Variants in KLHL33 observed in about 807,000 individuals in gnomAD.
KLHL33 encodes the protein kelch like family member 33.
In KLHL33, 46 loss-of-function variants were observed where a neutral mutation model predicts 60.8. That is an observed-to-expected ratio of 0.76 (90% CI 0.60 to 0.97). KLHL33 has a LOEUF of 0.97. KLHL33 is among the 50% of genes least tolerant of loss of function. KLHL33 has a pLI of 0.00. For missense variants in KLHL33, 1,055 were observed against 1,000.0 expected, an observed-to-expected ratio of 1.05 and a Z score of -0.74; for synonymous variants, 434 against 432.2, an observed-to-expected ratio of 1.00 and a Z score of -0.05.
chr14:20,434,950 T>C (rs1880637369), intron 2 of KLHL33, 114 bp downstream of exon 2: 1 of 972,110 alleles, frequency 1.0e-6, no homozygotes, highest in South Asian at 5.4e-5. Flanking sequence ...AGGGAAATTC[T>C]GACAGCAGCA....
intron 2 of KLHL33, among the ~76,000 whole-genome samples, chr14:20,434,022 G>A (rs905015351): frequency 2.0e-5 from 3 of 152,138 alleles, no homozygotes; most frequent in Non-Finnish European, 4.4e-5. Context: ...AGTGATGTAG[G>A]CTTGTATCCT....
rs1176896736 is a variant in KLHL33, at chr14:20,430,605, A to G, written c.863T>C (p.Leu288Pro). 6.5e-7 allele frequency: 1 copy of G among 1,536,928 alleles called. No individual in the cohort carries two copies. Among genetic ancestry groups the G allele is most frequent in the East Asian group, 2.4e-5 (1 of 40,924 alleles). The change falls in exon 3 of 5, where the codon CTG (leucine) becomes CCG (proline). Residue 288 changes from leucine (L) to proline (P), a missense_variant. Leu to Pro is a moderately conservative substitution (Grantham distance 98). Transcript: ENST00000636854. ...VSLRTISTQDLRLLVSFAYSG... is the reference protein window; with the variant it reads ...VSLRTISTQDPRLLVSFAYSG... Reference sequence around the variant, plus strand: ...GTAAGCAAAAGAGACGAGGAGTCGCAGGTCCTGGGTGGAGATCGTCCGCAG... The same window carrying G: ...GTAAGCAAAAGAGACGAGGAGTCGCGGGTCCTGGGTGGAGATCGTCCGCAG...
Position 20,428,325 on chromosome 14 carries a change from C to T in KLHL33, c.*524G>A, listed in dbSNP as rs144649369. 1 of 153,188 alleles carries T rather than the reference C, an allele frequency of 6.5e-6. No homozygotes were observed. The highest frequency in any genetic ancestry group is 1.5e-5 in the Non-Finnish European group (1 of 68,784). The allele number at this position is 153,188 out of a possible 1,614,324, so 9.5% of individuals were successfully genotyped here. Reference sequence around the variant, plus strand: ...GCTAGACCAGGCCTACAAAGTTACCCGGGAGAGAATATTGTTAAGAAGGTT... The same window carrying T: ...GCTAGACCAGGCCTACAAAGTTACCTGGGAGAGAATATTGTTAAGAAGGTT... On this transcript the variant is annotated 3_prime_UTR_variant, in exon 5 of 5. Coordinates refer to ENST00000636854, the MANE Select transcript of KLHL33 (RefSeq NM_001365790.2).
At position 20,435,341 on chromosome 14, in the gene KLHL33, G is replaced by C; in HGVS notation, c.471C>G (p.Ser157=). 3.2e-5 allele frequency: 39 copies of C among 1,234,320 alleles called. No homozygotes were observed. Among genetic ancestry groups the C allele is most frequent in the Non-Finnish European group, 3.8e-5 (38 of 988,146 alleles). The allele number at this position is 1,234,320 out of a possible 1,614,324, so 76.5% of individuals were successfully genotyped here. The change falls in exon 2 of 5, where the codon TCC becomes TCG. Residue 157 remains serine (S), a synonymous_variant. Coordinates refer to ENST00000636854, the MANE Select transcript of KLHL33 (RefSeq NM_001365790.2). ...GPRPPFSLEV[S]PGGWEAVLTF... The stretch of plus-strand genomic sequence containing the variant: ...TCAGCACGGCCTCCCAGCCCCCTGG[G>C]GACACCTCGAGGCTGAAGGGGGGCC...
At position 20,435,842 on chromosome 14, in the gene KLHL33, C is replaced by CAGAG; in HGVS notation, c.-19-16_-19-13dup. The CAGAG allele has an allele frequency of 8.1e-7, 1 of 1,233,466 alleles. No homozygotes were observed. Among genetic ancestry groups the CAGAG allele is most frequent in the East Asian group, 3.2e-5 (1 of 31,712 alleles). 76.4% of individuals were successfully genotyped at this position (1,233,466 alleles called of 1,614,324 possible). A position where few individuals can be genotyped will look rare whatever the true frequency, so the allele number is the denominator to read the frequency against. On this transcript the variant is annotated splice_polypyrimidine_tract_variant and intron_variant, in intron 1 of 4. Transcript: ENST00000636854. The stretch of plus-strand genomic sequence containing the variant: ...GGTTTGCTGGATAGCTGCAGGTGAG[C>CAGAG]AGAGGCAAGACAGCCTGGCGTCAGA...
At position 20,435,397 on chromosome 14, in the gene KLHL33, G is replaced by A; in HGVS notation, c.415C>T (p.Arg139Ter). The A allele has an allele frequency of 4.1e-6, 5 of 1,234,348 alleles. No homozygotes were observed. Among genetic ancestry groups the A allele is most frequent in the Non-Finnish European group, 5.1e-6 (5 of 988,162 alleles). 76.5% of individuals were successfully genotyped at this position (1,234,348 alleles called of 1,614,324 possible). ...CCTCCGCCGCCCAGCAGCCTGTCTCGGAAGAGGCTGCTGATTGCGGCCAGG... is the reference window on the plus strand; with the variant it reads ...CCTCCGCCGCCCAGCAGCCTGTCTCAGAAGAGGCTGCTGATTGCGGCCAGG... ...VILAAISSLF[R>*]DRLLGGGGPR... is the part of the protein sequence containing the mutation. Residue 139 changes from arginine (R) to a stop codon, truncating the protein, a stop_gained, in exon 2 of 5, where the codon CGA (arginine) becomes TGA (stop). Transcript: ENST00000636854. LOFTEE classifies it high-confidence loss of function.
chr14:20,434,992 C>T, intron 2 of KLHL33, 72 bp downstream of exon 2: 1 of 1,190,240 alleles, frequency 8.4e-7, no homozygotes. Context: ...GGGATAAAAC[C>T]ACCTGCTGCT....
Position 20,428,645 on chromosome 14 carries a change from T to C in KLHL33, c.*204A>G. On this transcript the variant is annotated 3_prime_UTR_variant, in exon 5 of 5. Coordinates refer to ENST00000636854, the MANE Select transcript of KLHL33 (RefSeq NM_001365790.2). Reference sequence around the variant, plus strand: ...TTCCTCACCTGGGTATTCAGCTGCCTCCCCTTTCCCTATATGTTTTCCCTA... The same window carrying C: ...TTCCTCACCTGGGTATTCAGCTGCCCCCCCTTTCCCTATATGTTTTCCCTA... 1 of 564,820 alleles carries C rather than the reference T, an allele frequency of 1.8e-6. No homozygotes were observed. The highest frequency in any genetic ancestry group is 3.1e-6 in the Non-Finnish European group (1 of 321,062). The allele number at this position is 564,820 out of a possible 1,614,324, so 35.0% of individuals were successfully genotyped here.
rs1325243718 is a variant in KLHL33, at chr14:20,429,856, G to T, written c.1612C>A (p.Leu538Ile). The T allele has an allele frequency of 1.3e-6, 2 of 1,551,818 alleles. No individual in the cohort carries two copies. Among genetic ancestry groups the T allele is most frequent in the Non-Finnish European group, 1.7e-6 (2 of 1,146,934 alleles). Residue 538 changes from leucine (L) to isoleucine (I), a missense_variant, in exon 3 of 5, where the codon CTC becomes ATC. Transcript: ENST00000636854. ...HGAASLAGSE[L>I]YVCGGQDFYS... The stretch of plus-strand genomic sequence containing the variant: ...AAATCTTGTCCCCCACACACATAGA[G>T]TTCACTTCCTGCCAGGCTTGCAGCC...
intron 4 of KLHL33, 49 bp from the exon 5 acceptor site, chr14:20,429,450 CCTT>C: frequency 6.5e-7 from 1 of 1,550,126 alleles, no homozygotes; most frequent in East Asian, 2.4e-5. Flanking sequence ...CTTCAACTCT[CCTT>C]CTATTCCAAG....
Position 20,429,902 on chromosome 14 carries a change from G to T in KLHL33, c.1566C>A (p.Ala522=), listed in dbSNP as rs199615190. Residue 522 remains alanine (A), a synonymous_variant, in exon 3 of 5, where the codon GCC becomes GCA. Transcript: ENST00000636854. ...CAGCCCCATGCCGGAAGCGTCCGGG[G>T]GCAGGCAGGGCAGGCAGCTGCCCCC... The part of the protein sequence containing the change: ...VEWGQLPALP[A]PGRFRHGAAS... The T allele has an allele frequency of 4.2e-3, 6,537 of 1,551,774 alleles. 28 individuals are homozygous for T. The highest frequency in any genetic ancestry group is 5.2e-3 in the Non-Finnish European group (5,956 of 1,147,034).
At position 20,435,704 on chromosome 14, in the gene KLHL33, G is replaced by A. The variant is rs61994169; in HGVS notation, c.108C>T (p.Ser36=). Reference sequence around the variant, plus strand: ...GATCCTCGTCGGGGGAGGGAGGCCAGGAAGGGGTTCTCTGGGCGTGCACAA... The same window carrying A: ...GATCCTCGTCGGGGGAGGGAGGCCAAGAAGGGGTTCTCTGGGCGTGCACAA... ...GLLVHAQRTP[S]WPPSPDEDPR... is the part of the protein sequence containing the mutation. Residue 36 remains serine (S), a synonymous_variant, in exon 2 of 5, where the codon TCC becomes TCT. Coordinates refer to ENST00000636854, the MANE Select transcript of KLHL33 (RefSeq NM_001365790.2). 9,416 of 1,234,848 alleles carry A rather than the reference G, an allele frequency of 7.6e-3. 57 individuals are homozygous for A. The highest frequency in any genetic ancestry group is 8.8e-3 in the Non-Finnish European group (8,667 of 988,498). The allele number at this position is 1,234,848 out of a possible 1,614,324, so 76.5% of individuals were successfully genotyped here.
Position 20,435,968 on chromosome 14 carries a change from G to A in KLHL33, c.-20+131C>T, listed in dbSNP as rs138733931. On this transcript the variant is annotated intron_variant, in intron 1 of 4. Transcript: ENST00000636854. ...TCCTCCTACCCTCAGCCACATCCCA[G>A]CACTGGAGTATCTGGGATATACAGG... The A allele has an allele frequency of 5.5e-4, 282 of 515,502 alleles. 2 individuals carry two copies. The East Asian group carries it at 8.9e-3, about 16-fold the overall frequency. 31.9% of individuals were successfully genotyped at this position (515,502 alleles called of 1,614,324 possible).
rs1447251663 is a variant in KLHL33, at chr14:20,430,463, G to A, written c.1005C>T (p.Ser335=). The A allele has an allele frequency of 1.9e-6, 3 of 1,551,432 alleles. No homozygotes were observed. Among genetic ancestry groups the A allele is most frequent in the Admixed American group, 2.0e-5 (1 of 51,016 alleles). ...LCQKGLARGL[S]PARCLALFPM... is the part of the protein sequence containing the mutation. Reference sequence around the variant, plus strand: ...GGAACAGGGCCAGGCAACGGGCAGGGCTGAGGCCCCGTGCCAAGCCTTTCT... The same window carrying A: ...GGAACAGGGCCAGGCAACGGGCAGGACTGAGGCCCCGTGCCAAGCCTTTCT... The change falls in exon 3 of 5, where the codon AGC becomes AGT. Residue 335 remains serine (S), a synonymous_variant. Transcript: ENST00000636854.
rs1286922310 is a variant in KLHL33, at chr14:20,427,234, C to T, written c.*1615G>A. The T allele has an allele frequency of 6.7e-6, 1 of 148,878 alleles. No individual in the cohort carries two copies. The highest frequency in any genetic ancestry group is 1.5e-5 in the Non-Finnish European group (1 of 66,836). The allele number at this position is 148,878 out of a possible 1,614,324, so 9.2% of individuals were successfully genotyped here. A position where few individuals can be genotyped will look rare whatever the true frequency, so the allele number is the denominator to read the frequency against. On this transcript the variant is annotated 3_prime_UTR_variant, in exon 5 of 5. Transcript: ENST00000636854. ...AAAAAAAAAGAAAAAGAAAATTGAC[C>T]TAAACACACACAAAAAAACTGACCC...
At position 20,429,662 on chromosome 14, in the gene KLHL33, G is replaced by T. The variant is rs1329741990; in HGVS notation, c.1681C>A (p.Pro561Thr). Reference sequence around the variant, plus strand: ...ATCTCCTCCCAGTCCTCTTGACTGGGCTCCCACCTGGACACAGTAGGACAA... The same window carrying T: ...ATCTCCTCCCAGTCCTCTTGACTGGTCTCCCACCTGGACACAGTAGGACAA... Reference protein sequence around the residue: ...NTLASTLRWEPSQEDWEEMAP... With the variant: ...NTLASTLRWETSQEDWEEMAP... The change falls in exon 4 of 5, where the codon CCC (proline) becomes ACC (threonine). Residue 561 changes from proline (P) to threonine (T), a missense_variant. Transcript: ENST00000636854. 2 of 1,551,576 alleles carry T rather than the reference G, an allele frequency of 1.3e-6. No homozygotes were observed. Among genetic ancestry groups the T allele is most frequent in the Admixed American group, 3.9e-5 (2 of 50,994 alleles).
At chr14:20,431,205 T>G (rs1880501823) in intron 2 of KLHL33, among the ~76,000 whole-genome samples, 1 of 152,236 alleles carries the variant, frequency 6.6e-6, no homozygotes, top group Non-Finnish European at 1.5e-5. Context: ...GCCAAGACTG[T>G]CAGCCATTCT....
intron 2 of KLHL33, among the ~76,000 whole-genome samples, chr14:20,434,327 A>G (rs4547254): frequency 0.61 from 93,186 of 151,930 alleles, 29,029 homozygotes; most frequent in African/African-American, 0.71. Context: ...CCTGAGGTTA[A>G]GAGTTCAAGA....
chr14:20,432,611 T>C (rs1880542128), intron 2 of KLHL33, among the ~76,000 whole-genome samples: 3 of 152,090 alleles, frequency 2.0e-5, no homozygotes, highest in Middle Eastern at 3.4e-3. Context: ...AAAATATAAA[T>C]GTGGACTAGG....
Sources: gnomAD v4.1 joint callset for allele counts (sites outside exome capture counted in the v4.1 genomes callset) on GRCh38, gnomAD v4.1.1 for gene constraint, MANE v1.5 for transcripts, NCBI Gene and HGNC (gene_info 2026-07-23, HGNC 2026-07-21) for gene names.